Variants in ALG13 observed in about 807,000 individuals in gnomAD.
ALG13 encodes the protein UDP-N-acetylglucosamine transferase subunit ALG13.
ALG13 carries 11 observed loss-of-function variants against 87.8 expected under a neutral mutation model. The ratio of observed to expected loss-of-function variants is 0.13; its 90% CI spans 0.08 to 0.21. ALG13 has a LOEUF of 0.21. Among genes scored for constraint, ALG13 ranks in the 10% least tolerant of loss-of-function variants. ALG13 has a pLI of 1.00. For synonymous variants in ALG13, 320 were observed against 306.3 expected, an observed-to-expected ratio of 1.04 and a Z score of -0.47; for missense variants, 756 against 866.1, an observed-to-expected ratio of 0.87 and a Z score of 1.60.
chrX:111,720,615 A>G (rs1270999674), intron 11 of ALG13, among the ~76,000 whole-genome samples: 1 of 111,730 alleles, frequency 9.0e-6, no homozygotes, highest in Non-Finnish European at 1.9e-5. Flanking sequence ...GTTTGAGGCT[A>G]GCTAAATAAG....
rs1232252838 is a variant in ALG13, at chrX:111,689,403, CAA to C, written c.383+4302_383+4303del. On this transcript the variant is annotated intron_variant, in intron 3 of 26. Coordinates refer to ENST00000394780, the MANE Select transcript of ALG13 (RefSeq NM_001099922.3). ...TTTATGATGAAGAATTAAAGAGAAACAAATGAAAGGCAAGGTCTACTCAAATA... is the reference window on the plus strand; with the variant it reads ...TTTATGATGAAGAATTAAAGAGAAACATGAAAGGCAAGGTCTACTCAAATA... The C allele has an allele frequency of 5.3e-6, 4 of 751,267 alleles. No homozygotes were observed. In the African/African-American group the frequency reaches 7.0e-5, roughly 13 times the overall value. The allele number at this position is 751,267 out of a possible 1,213,427, so 61.9% of individuals were successfully genotyped here.
Position 111,718,138 on chromosome X carries a change from G to T in ALG13, c.1114G>T (p.Asp372Tyr). 8.6e-7 allele frequency: 1 copy of T among 1,166,351 alleles called. No homozygotes were observed. The highest frequency in any genetic ancestry group is 1.1e-6 in the Non-Finnish European group (1 of 871,765). Reference sequence around the variant, plus strand: ...TGTATTGTACGAAATTCTCTATAAAGATGTGTTTGTTGTGGATGAAGAAGA... The same window carrying T: ...TGTATTGTACGAAATTCTCTATAAATATGTGTTTGTTGTGGATGAAGAAGA... ...QAVLYEILYK[D>Y]VFVVDEEELK... Residue 372 changes from aspartate (D) to tyrosine (Y), a missense_variant, in exon 10 of 27, where the codon GAT becomes TAT. By Grantham distance (160) the Asp-to-Tyr change is radical (BLOSUM62 -3). This residue lies in a region of ALG13 where 48 missense variants were observed against 50.5 expected (regional missense o/e 0.95). Transcript: ENST00000394780.
chrX:111,723,159 AT>A (rs1236002955), intron 13 of ALG13, among the ~76,000 whole-genome samples: 5 of 100,295 alleles, frequency 5.0e-5, no homozygotes, highest in South Asian at 4.6e-4. Flanking sequence ...ATTTATTTTT[AT>A]TTTTTTTTTG....
At chrX:111,742,845 A>T (rs1943879421) in intron 23 of ALG13, among the ~76,000 whole-genome samples, 1 of 112,481 alleles carries the variant, frequency 8.9e-6, no homozygotes, top group Non-Finnish European at 1.9e-5. Context: ...GGAAATCAGC[A>T]TTCTGAATGC....
chrX:111,758,105 G>A, intron 26 of ALG13, among the ~76,000 whole-genome samples: 2 of 111,336 alleles, frequency 1.8e-5, no homozygotes, highest in Non-Finnish European at 3.8e-5. Context: ...ACACACCCAT[G>A]GTACAAAAAT....
At chrX:111,730,332 G>A (rs1436924844) in intron 19 of ALG13, 63 bp from the exon 20 acceptor site, 3 of 1,054,016 alleles carry the variant, frequency 2.8e-6, no homozygotes, top group East Asian at 3.0e-5. Context: ...CTGGCCATTT[G>A]GCTCTGCTGA....
At chrX:111,700,663 G>A (rs1308554437) in intron 3 of ALG13, among the ~76,000 whole-genome samples, 8 of 104,999 alleles carry the variant, frequency 7.6e-5, no homozygotes, top group South Asian at 4.5e-4. Context: ...TGCAATCTCC[G>A]CCTCCCAGGT....
At chrX:111,753,433 C>T (rs753208966) in intron 25 of ALG13, among the ~76,000 whole-genome samples, 74 of 111,735 alleles carry the variant, frequency 6.6e-4, no homozygotes, top group African/African-American at 1.9e-3. Context: ...TAGCAAAAGA[C>T]AAGAAATAAC....
At chrX:111,697,274 G>A (rs1377763636) in intron 3 of ALG13, among the ~76,000 whole-genome samples, 1 of 111,531 alleles carries the variant, frequency 9.0e-6, no homozygotes, top group Non-Finnish European at 1.9e-5. Flanking sequence ...CTTTAATGTT[G>A]CTAATGGGCA....
At chrX:111,756,879 C>T in intron 25 of ALG13, among the ~76,000 whole-genome samples, 1 of 111,546 alleles carries the variant, frequency 9.0e-6, no homozygotes, top group Non-Finnish European at 1.9e-5. Flanking sequence ...ATTGATAAAC[C>T]GCTTGCCCCT....
intron 2 of ALG13, among the ~76,000 whole-genome samples, chrX:111,682,874 G>A (rs188118113): frequency 8.9e-6 from 1 of 112,184 alleles, no homozygotes; most frequent in Admixed American, 9.4e-5. Flanking sequence ...TACATACTGT[G>A]TAAATTGTTT....
At chrX:111,751,130 G>A (rs1944706920) in intron 24 of ALG13, among the ~76,000 whole-genome samples, 1 of 98,963 alleles carries the variant, frequency 1.0e-5, no homozygotes, top group Non-Finnish European at 2.0e-5. Context: ...GTGCAGTGGC[G>A]CGAGCTCAGC....
chrX:111,699,908 A>G (rs1230086904), intron 3 of ALG13, among the ~76,000 whole-genome samples: 1 of 105,532 alleles, frequency 9.5e-6, no homozygotes. Flanking sequence ...TTTTTTTTCT[A>G]TTTCGGCAAA....
intron 4 of ALG13, 102 bp downstream of exon 4, chrX:111,708,495 T>G: frequency 1.0e-6 from 1 of 998,046 alleles, no homozygotes; most frequent in Non-Finnish European, 1.4e-6. Flanking sequence ...CCCTGCTTTC[T>G]AGTGAAAACA....
At chrX:111,746,943 G>A (rs1012631791) in intron 24 of ALG13, among the ~76,000 whole-genome samples, 9 of 111,309 alleles carry the variant, frequency 8.1e-5, no homozygotes, top group Non-Finnish European at 1.5e-4. Flanking sequence ...CAAATTGAGA[G>A]GAAGGCATAG....
intron 3 of ALG13, among the ~76,000 whole-genome samples, chrX:111,698,062 C>G (rs1317617958): frequency 8.9e-6 from 1 of 112,041 alleles, no homozygotes; most frequent in Non-Finnish European, 1.9e-5. Context: ...AGGCTTACAA[C>G]AAGAAACAGC....
chrX:111,756,505 G>T (rs896736497), intron 25 of ALG13, among the ~76,000 whole-genome samples: 2 of 112,031 alleles, frequency 1.8e-5, no homozygotes, highest in Non-Finnish European at 3.8e-5. Context: ...AGTTGTAGAG[G>T]CAGGTGGGTA....
intron 9 of ALG13, 76 bp from the exon 10 acceptor site, chrX:111,718,036 C>G: frequency 9.2e-7 from 1 of 1,089,259 alleles, no homozygotes; most frequent in Non-Finnish European, 1.2e-6. Context: ...TATTTGCACG[C>G]AGGATTATGA....
rs750313283 is a variant in ALG13 at position 111,725,942 on chromosome X, TTTTG to T, written c.1730-850_1730-847del. 9.8e-3 allele frequency among the ~76,000 whole-genome samples: 1,091 copies of T among 111,540 alleles called. 12 individuals are homozygous for T. The highest frequency in any genetic ancestry group is 0.011 in the Non-Finnish European group (600 of 53,028). On this transcript the variant is annotated intron_variant, in intron 15 of 26. Transcript: ENST00000394780. Reference sequence around the variant, plus strand: ...TTGGATGACTCGGAGTTTTTGGGGTTTTTGTTTGTTTGTTTGTTTGAGACAGAAT... The same window carrying T: ...TTGGATGACTCGGAGTTTTTGGGGTTTTTGTTTGTTTGTTTGAGACAGAAT...
Sources: allele counts gnomAD v4.1 joint callset (sites outside exome capture counted in the v4.1 genomes callset), GRCh38; gene constraint gnomAD v4.1.1; regional missense constraint gnomAD v4.1.1; transcripts MANE v1.5; gene names NCBI Gene and HGNC (gene_info 2026-07-23, HGNC 2026-07-21).